The following PTER variants were observed in gnomAD, a reference collection of about 807,000 sequenced individuals.
PTER encodes the protein N-acetyltaurine hydrolase.
A neutral mutation model predicts 29.6 loss-of-function variants in PTER; 38 were observed. The observed-to-expected ratio is 1.28, with a 90% CI of 0.99 to 1.68. The LOEUF is 1.68. Ranked by LOEUF, PTER falls within the 40% of genes most tolerant of loss-of-function variation. The pLI is 0.00. For synonymous variants in PTER, 172 were observed against 154.5 expected (o/e 1.11, Z -0.84); for missense variants, 482 against 427.8 (o/e 1.13, Z -1.12).
chr10:16,449,161 C>T (rs1362837053), intron 1 of PTER, among the ~76,000 whole-genome samples: 3 of 152,192 alleles, frequency 2.0e-5, no homozygotes, highest in Non-Finnish European at 2.9e-5. Context: ...TTTTGATTTA[C>T]CATTTTTCTA....
At chr10:16,442,230 T>G (rs576859424) in intron 1 of PTER, among the ~76,000 whole-genome samples, 1 of 152,372 alleles carries the variant, frequency 6.6e-6, no homozygotes, top group Non-Finnish European at 1.5e-5. Flanking sequence ...GTTTGTTGAT[T>G]TTTAAAAACA....
At chr10:16,467,422 C>G (rs570001434) in intron 1 of PTER, among the ~76,000 whole-genome samples, 1 of 152,116 alleles carries the variant, frequency 6.6e-6, no homozygotes, top group South Asian at 2.1e-4. Flanking sequence ...TAAGAGGGCA[C>G]TACTGTGGAT....
intron 3 of PTER, 111 bp downstream of exon 3, chr10:16,486,728 A>G (rs890911298): frequency 1.1e-5 from 14 of 1,217,496 alleles, no homozygotes; most frequent in Admixed American, 7.4e-5. Flanking sequence ...AGAGAAAACC[A>G]CTAACTATAT....
chr10:16,476,444 A>C (rs1168308957), intron 1 of PTER, among the ~76,000 whole-genome samples: 1 of 152,112 alleles, frequency 6.6e-6, no homozygotes, highest in African/African-American at 2.4e-5. Context: ...TTCAAATCTT[A>C]TGTGGTTAAT....
intron 1 of PTER, among the ~76,000 whole-genome samples, chr10:16,439,042 T>C (rs1833758989): frequency 6.6e-6 from 1 of 152,156 alleles, no homozygotes. Context: ...GTTTTTTTCC[T>C]TTTTAATTGG....
At chr10:16,438,329 T>G (rs929153864) in intron 1 of PTER, among the ~76,000 whole-genome samples, 1 of 148,276 alleles carries the variant, frequency 6.7e-6, no homozygotes, top group African/African-American at 2.5e-5. Context: ...CTAGGTCTCA[T>G]TATTTCACCA....
chr10:16,497,579 T>A (rs1028989798), intron 3 of PTER, among the ~76,000 whole-genome samples: 5 of 152,176 alleles, frequency 3.3e-5, no homozygotes, highest in African/African-American at 1.2e-4. Flanking sequence ...TGAAATAATA[T>A]ACCTGAGAGT....
chr10:16,469,885 T>G (rs1564394158), intron 1 of PTER, among the ~76,000 whole-genome samples: 3 of 141,300 alleles, frequency 2.1e-5, no homozygotes, highest in Admixed American at 6.9e-5. Context: ...TGGCTGTTTT[T>G]TTTGTTTGTT....
chr10:16,445,652 A>T (rs1833989633), intron 1 of PTER, among the ~76,000 whole-genome samples: 1 of 152,144 alleles, frequency 6.6e-6, no homozygotes, highest in South Asian at 2.1e-4. Context: ...CCATGGCACA[A>T]ATCCGGTGAA....
At chr10:16,450,437 A>C (rs1294343463) in intron 1 of PTER, among the ~76,000 whole-genome samples, 1 of 152,166 alleles carries the variant, frequency 6.6e-6, no homozygotes, top group Non-Finnish European at 1.5e-5. Context: ...AGAAAATAAA[A>C]AGGCTCATAA....
At chr10:16,494,749 C>T (rs2133474733) in intron 3 of PTER, among the ~76,000 whole-genome samples, 1 of 152,296 alleles carries the variant, frequency 6.6e-6, no homozygotes, top group East Asian at 1.9e-4. Context: ...TAAAAACTTA[C>T]ATCATCTCTA....
At chr10:16,470,910 TC>T (rs1174688751) in intron 1 of PTER, among the ~76,000 whole-genome samples, 1 of 152,226 alleles carries the variant, frequency 6.6e-6, no homozygotes, top group East Asian at 1.9e-4. Flanking sequence ...GACTGACACT[TC>T]CTAATTTATG....
intron 3 of PTER, among the ~76,000 whole-genome samples, chr10:16,490,456 C>A (rs1835857306): frequency 6.6e-6 from 1 of 151,984 alleles, no homozygotes; most frequent in Non-Finnish European, 1.5e-5. Flanking sequence ...TGATCTCCTA[C>A]TCAGTTCAAG....
intron 3 of PTER, 160 bp downstream of exon 3, chr10:16,486,777 T>A: frequency 1.2e-6 from 1 of 808,736 alleles, no homozygotes. Flanking sequence ...CTGACATGAA[T>A]AAAAGTCAAT....
At chr10:16,479,561 GT>G (rs1835401640) in intron 1 of PTER, among the ~76,000 whole-genome samples, 2 of 152,186 alleles carry the variant, frequency 1.3e-5, no homozygotes, top group South Asian at 4.1e-4. Flanking sequence ...TGTTTCTAGA[GT>G]GCAGCCGCGC....
intron 1 of PTER, among the ~76,000 whole-genome samples, chr10:16,469,176 G>A (rs1208756511): frequency 6.6e-6 from 1 of 152,146 alleles, no homozygotes; most frequent in Non-Finnish European, 1.5e-5. Context: ...TAGGGAGGCA[G>A]AGTGGGAGTG....
In PTER at chr10:16,512,303, C is replaced by T. The variant is rs1390588815; in HGVS notation, c.*1047C>T. The T allele has an allele frequency of 6.6e-6, 1 of 152,152 alleles. No individual in the cohort carries two copies. The highest frequency in any genetic ancestry group is 2.4e-5 in the African/African-American group (1 of 41,438). The allele number at this position is 152,152 out of a possible 1,614,324, so 9.4% of individuals were successfully genotyped here. On this transcript the variant is annotated 3_prime_UTR_variant, in exon 5 of 5. Coordinates refer to ENST00000535784, the MANE Select transcript of PTER (RefSeq NM_001261836.2). ...AACACTTAGGTGATGGGCACTGCTG[C>T]TTATAAATTCATCTTTTGGTTGAAT...
At chr10:16,457,026 C>T (rs1052002822) in intron 1 of PTER, among the ~76,000 whole-genome samples, 1 of 152,106 alleles carries the variant, frequency 6.6e-6, no homozygotes, top group Non-Finnish European at 1.5e-5. Context: ...GTCCATTAAA[C>T]CTTTTTTTAA....
chr10:16,518,698 A>G (rs45592845), downstream of PTER, among the ~76,000 whole-genome samples: 12,067 of 152,248 alleles, frequency 0.079, 518 homozygotes, highest in African/African-American at 0.098. Context: ...GCATTTTTAC[A>G]CATTTGCTGA....
Sources: gnomAD v4.1 joint callset for allele counts (sites outside exome capture counted in the v4.1 genomes callset) on GRCh38, gnomAD v4.1.1 for gene constraint, MANE v1.5 for transcripts, NCBI Gene and HGNC (gene_info 2026-07-23, HGNC 2026-07-21) for gene names.